ZFHX3: variants seen among roughly 807,000 people sequenced by gnomAD.
ZFHX3 encodes the protein zinc finger homeobox 3, also known as zinc finger homeobox protein 3.
In ZFHX3, 42 loss-of-function variants were observed where a neutral mutation model predicts 279.1. That is an observed-to-expected ratio of 0.15 (90% CI 0.12 to 0.19). The LOEUF is 0.19. Ranked by LOEUF, ZFHX3 falls within the 10% of genes least tolerant of loss-of-function variation. The probability of loss-of-function intolerance (pLI) is 1.00; values close to 1 mark genes in which losing one functional copy is unlikely to be tolerated. For synonymous variants in ZFHX3, 2,293 were observed against 1,957.8 expected (o/e 1.17, Z -4.52); for missense variants, 4,981 against 4,754.0 (o/e 1.05, Z -1.40).
chr16:73,659,187 G>C (rs910367940), intron 2 of ZFHX3, among the ~76,000 whole-genome samples: 3 of 152,186 alleles, frequency 2.0e-5, no homozygotes, highest in Middle Eastern at 3.2e-3. Flanking sequence ...ACACAGAAGG[G>C]TGACAGGACA....
At chr16:73,639,778 A>C (rs570597323) in intron 2 of ZFHX3, among the ~76,000 whole-genome samples, 25 of 152,312 alleles carry the variant, frequency 1.6e-4, no homozygotes, top group African/African-American at 5.8e-4. Flanking sequence ...TAAAAGACTA[A>C]AAAATGCATA....
chr16:73,060,599 A>T (rs748195526), upstream of ZFHX3: 2 of 147,048 alleles, frequency 1.4e-5, no homozygotes, highest in Non-Finnish European at 3.0e-5. Context: ...TTTTTTAAAA[A>T]TGACAAGTTG....
At chr16:73,854,341 C>T (rs554737244) in intron 1 of ZFHX3, among the ~76,000 whole-genome samples, 1 of 152,086 alleles carries the variant, frequency 6.6e-6, no homozygotes, top group African/African-American at 2.4e-5. Context: ...GCCTGGCCAA[C>T]ATGGTGACAC....
intron 1 of ZFHX3, among the ~76,000 whole-genome samples, chr16:73,781,189 A>G (rs565977300): frequency 7.9e-5 from 12 of 152,306 alleles, no homozygotes; most frequent in African/African-American, 2.9e-4. Context: ...AGAGCAAGCA[A>G]CGTAGCTGTA....
At chr16:72,819,076 A>G (rs2036701605) in intron 5 of ZFHX3, among the ~76,000 whole-genome samples, 1 of 152,216 alleles carries the variant, frequency 6.6e-6, no homozygotes, top group Non-Finnish European at 1.5e-5. Flanking sequence ...GGAAATAATT[A>G]TAGCTTCACA....
intron 3 of ZFHX3, among the ~76,000 whole-genome samples, chr16:72,929,887 T>C (rs1224841711): frequency 1.3e-5 from 2 of 152,160 alleles, no homozygotes; most frequent in East Asian, 1.9e-4. Flanking sequence ...CCCCCCAGCA[T>C]GAAAAGGAGG....
intron 1 of ZFHX3, among the ~76,000 whole-genome samples, chr16:73,730,703 CG>C (rs1172851993): frequency 1.3e-5 from 2 of 152,120 alleles, no homozygotes; most frequent in Non-Finnish European, 2.9e-5. Context: ...TCCAACAGGA[CG>C]GAAAGAACTT....
chr16:73,173,932 A>G (rs191662154), intron 5 of ZFHX3, among the ~76,000 whole-genome samples: 2 of 152,296 alleles, frequency 1.3e-5, no homozygotes, highest in East Asian at 1.9e-4. Flanking sequence ...GGGTGGAACC[A>G]TGTAAAATAA....
intron 3 of ZFHX3, among the ~76,000 whole-genome samples, chr16:72,923,328 C>T (rs1448404093): frequency 6.6e-6 from 1 of 151,890 alleles, no homozygotes; most frequent in Non-Finnish European, 1.5e-5. Flanking sequence ...GCCTATAGTT[C>T]CAGCTACTCG....
chr16:73,832,713 T>A (rs1961031267), intron 1 of ZFHX3, among the ~76,000 whole-genome samples: 1 of 152,138 alleles, frequency 6.6e-6, no homozygotes, highest in African/African-American at 2.4e-5. Context: ...ATATTCTTTT[T>A]AAAAGCCTTT....
chr16:73,118,907 T>C (rs956732003), intron 7 of ZFHX3, among the ~76,000 whole-genome samples: 1 of 152,128 alleles, frequency 6.6e-6, no homozygotes, highest in Non-Finnish European at 1.5e-5. Context: ...GGTAATTACA[T>C]CCCCATGCAG....
intron 2 of ZFHX3, among the ~76,000 whole-genome samples, chr16:73,624,642 GA>G (rs34274078): frequency 2.7e-4 from 39 of 146,306 alleles, no homozygotes; most frequent in Middle Eastern, 3.5e-3. Flanking sequence ...CTATCCCCCA[GA>G]AAAAAAAAAA....
intron 1 of ZFHX3, among the ~76,000 whole-genome samples, chr16:73,722,963 C>G (rs559117823): frequency 6.6e-6 from 1 of 152,220 alleles, no homozygotes; most frequent in East Asian, 1.9e-4. Context: ...GTATTGAGTC[C>G]ATTGATTCTC....
At chr16:73,214,408 T>C (rs551702743) in intron 5 of ZFHX3, among the ~76,000 whole-genome samples, 60 of 152,208 alleles carry the variant, frequency 3.9e-4, no homozygotes, top group South Asian at 1.0e-3. Context: ...ACTTACGGTG[T>C]GGCCTTCAAT....
At chr16:72,820,890 C>T (rs950163267) in intron 5 of ZFHX3, among the ~76,000 whole-genome samples, 4 of 152,126 alleles carry the variant, frequency 2.6e-5, no homozygotes, top group East Asian at 3.9e-4. Context: ...ATTCTAGGAT[C>T]CGGCCAAAGT....
At chr16:73,837,966 C>G (rs985950565) in intron 1 of ZFHX3, among the ~76,000 whole-genome samples, 11 of 152,224 alleles carry the variant, frequency 7.2e-5, no homozygotes, top group Non-Finnish European at 1.5e-4. Context: ...ATCTGTTCCT[C>G]TCTTAGCAAT....
At chr16:73,378,429 A>G (rs1031564661) in intron 3 of ZFHX3, among the ~76,000 whole-genome samples, 16 of 152,142 alleles carry the variant, frequency 1.1e-4, no homozygotes, top group Admixed American at 2.0e-4. Context: ...GCTCTTTCTC[A>G]CACCACTCCA....
rs184807738 is a variant in ZFHX3 at position 73,243,832 on chromosome 16, C to G, written c.-1104+13215G>C. Among the ~76,000 whole-genome samples, 14 of 152,138 alleles carry G rather than the reference C, an allele frequency of 9.2e-5. No individual in the cohort carries two copies. The East Asian group carries it at 2.7e-3, about 29-fold the overall frequency. Reference sequence around the variant, plus strand: ...ATCACCCACCCAGAATCTAATTATTCAGCAACCATGTTACTTATTTGGAAT... The same window carrying G: ...ATCACCCACCCAGAATCTAATTATTGAGCAACCATGTTACTTATTTGGAAT... On this transcript the variant is annotated intron_variant, in intron 5 of 17. Transcript: ENST00000641206.
intron 3 of ZFHX3, among the ~76,000 whole-genome samples, chr16:73,435,430 G>A (rs1002622788): frequency 6.6e-6 from 1 of 152,056 alleles, no homozygotes; most frequent in Non-Finnish European, 1.5e-5. Flanking sequence ...GGCTGGTCTC[G>A]AACTCCTGAC....
Sources: allele counts gnomAD v4.1 joint callset (sites outside exome capture counted in the v4.1 genomes callset), GRCh38; gene constraint gnomAD v4.1.1; transcripts MANE v1.5; gene names NCBI Gene and HGNC (gene_info 2026-07-23, HGNC 2026-07-21).